The following DNHD1 variants were observed in gnomAD, a reference collection of about 807,000 sequenced individuals.
DNHD1 encodes dynein heavy chain domain 1.
In DNHD1, 383 loss-of-function variants were observed where a neutral mutation model predicts 458.1. That is an observed-to-expected ratio of 0.84 (90% confidence interval 0.77 to 0.91). The LOEUF is 0.91. Among genes scored for constraint, DNHD1 ranks in the 40% least tolerant of loss-of-function variants. DNHD1 has a pLI of 0.00. For missense variants in DNHD1, 5,336 were observed against 5,866.1 expected, an observed-to-expected ratio of 0.91 and a Z score of 2.95; for synonymous variants, 2,203 against 2,376.9, an observed-to-expected ratio of 0.93 and a Z score of 2.13.
At chr11:6,518,068 T>C (rs1262730901) in intron 7 of DNHD1, among the ~76,000 whole-genome samples, 3 of 152,230 alleles carry the variant, frequency 2.0e-5, no homozygotes, top group Non-Finnish European at 2.9e-5. Flanking sequence ...AAGTTTTTTA[T>C]TGTTATCATT....
chr11:6,557,554 A>G lies in DNHD1; in HGVS notation c.8259A>G (p.Ile2753Met), dbSNP rs1160387782. The G allele has an allele frequency of 1.9e-6, 3 of 1,551,796 alleles. No homozygotes were observed. Among genetic ancestry groups the G allele is most frequent in the African/African-American group, 1.4e-5 (1 of 73,170 alleles). ...GAGATCCAAGTCTAACACCATCCAT[A>G]GGACCAGTAAGCAGGGGGATGAAGG... Reference protein sequence around the residue: ...NSRDPSLTPSIGPVSRGMKES... With the variant: ...NSRDPSLTPSMGPVSRGMKES... The change falls in exon 25 of 43, where the codon ATA becomes ATG. Residue 2753 changes from isoleucine to methionine, a missense_variant. This residue lies in a region of DNHD1 where 3,932 missense variants were observed against 4,365.6 expected (regional missense o/e 0.90). Transcript: ENST00000254579.
intron 10 of DNHD1, among the ~76,000 whole-genome samples, chr11:6,527,828 C>G (rs566434666): frequency 7.9e-5 from 12 of 152,290 alleles, no homozygotes; most frequent in Non-Finnish European, 1.2e-4. Flanking sequence ...GAAGTTTTAA[C>G]ACAAATACTA....
chr11:6,539,447 A>G, intron 17 of DNHD1, 134 bp downstream of exon 17: 2 of 681,288 alleles, frequency 2.9e-6, no homozygotes, highest in Admixed American at 5.2e-5. Flanking sequence ...AAGGGCAGGA[A>G]CAGTTTCTTT....
Position 6,571,977 on chromosome 11 carries a change from CCT to C in DNHD1, c.14254_14255del (p.Leu4752ValfsTer11), listed in dbSNP as rs773881756. The part of the protein sequence containing the change: ...QRRVHVCSPP[L>X]S ...GGAGGGTCCATGTGTGCAGCCCACC[CCT>C]GTCTTGAGCCCGTCTACCAAAATAA... On this transcript the variant is annotated frameshift_variant, in exon 43 of 43. Coordinates refer to ENST00000254579, the MANE Select transcript of DNHD1 (RefSeq NM_144666.3). LOFTEE classifies it high-confidence loss of function. This position sits in a 1 kb window ranked among gnomAD's most constrained non-coding sequence, Gnocchi z 5.0. 1.1e-4 allele frequency: 169 copies of C among 1,602,964 alleles called. No individual in the cohort carries two copies. The highest frequency in any genetic ancestry group is 1.3e-4 in the Non-Finnish European group (155 of 1,172,058).
chr11:6,538,369 G>C lies in DNHD1; in HGVS notation c.2999-14G>C. On this transcript the variant is annotated splice_polypyrimidine_tract_variant and intron_variant, in intron 14 of 42. Coordinates refer to ENST00000254579, the MANE Select transcript of DNHD1 (RefSeq NM_144666.3). ...TGCAAGTAGCCCAGGTCTCAAGTCAGCCCTCCCCCACAGAGGATGAGACTC... is the reference window on the plus strand; with the variant it reads ...TGCAAGTAGCCCAGGTCTCAAGTCACCCCTCCCCCACAGAGGATGAGACTC... 6.4e-7 allele frequency: 1 copy of C among 1,551,538 alleles called. No individual in the cohort carries two copies. The highest frequency in any genetic ancestry group is 8.7e-7 in the Non-Finnish European group (1 of 1,146,942).
At chr11:6,547,753 T>C in intron 21 of DNHD1, 87 bp downstream of exon 21, 1 of 1,485,896 alleles carries the variant, frequency 6.7e-7, no homozygotes, top group Non-Finnish European at 9.1e-7. Flanking sequence ...GTGTGTTCTT[T>C]GGTGGATCTG....
rs1852086019 is a variant in DNHD1 at position 6,498,905 on chromosome 11, T to C, written c.690T>C (p.Tyr230=). The stretch of plus-strand genomic sequence containing the variant: ...TGGCAGCGGACATCCCTGTACGGTA[T>C]GAAAGCAGTGACACTGACAATGCAG... The part of the protein sequence containing the change: ...LALAADIPVR[Y]ESSDTDNAEV... The change falls in exon 3 of 43, where the codon TAT becomes TAC. Residue 230 remains tyrosine, a synonymous_variant. Transcript: ENST00000254579. The C allele has an allele frequency of 1.9e-6, 3 of 1,613,452 alleles. No homozygotes were observed. The highest frequency in any genetic ancestry group is 2.2e-5 in the East Asian group (1 of 44,902).
intron 18 of DNHD1, among the ~76,000 whole-genome samples, chr11:6,542,433 TA>T (rs1853114168): frequency 1.3e-5 from 2 of 152,270 alleles, no homozygotes. Flanking sequence ...GCCTGGGTCC[TA>T]CCAGTCTTTC....
intron 13 of DNHD1, among the ~76,000 whole-genome samples, chr11:6,533,404 T>C (rs1169949523): frequency 2.0e-5 from 3 of 152,196 alleles, no homozygotes; most frequent in Admixed American, 6.5e-5. Flanking sequence ...AGAGTTGTGC[T>C]CTCTGTGACA....
In DNHD1 at chr11:6,557,075, G is replaced by A. The variant is rs1414719830; in HGVS notation, c.7780G>A (p.Val2594Met). The change falls in exon 25 of 43, where the codon GTG becomes ATG. Residue 2594 changes from valine to methionine, a missense_variant. Val to Met is a conservative substitution (Grantham distance 21, BLOSUM62 1). Coordinates refer to ENST00000254579, the MANE Select transcript of DNHD1 (RefSeq NM_144666.3). ...HPHYHFSLHS[V>M]SHLLSSLQLL... ...ACACTACCACTTCTCCCTACACTCT[G>A]TGAGCCACCTACTGAGCAGCCTGCA... The A allele has an allele frequency of 1.3e-6, 2 of 1,551,696 alleles. No individual in the cohort carries two copies. The highest frequency in any genetic ancestry group is 4.9e-5 in the East Asian group (2 of 40,908).
At chr11:6,523,115 T>C (rs1026572090) in intron 10 of DNHD1, among the ~76,000 whole-genome samples, 5 of 152,200 alleles carry the variant, frequency 3.3e-5, no homozygotes, top group African/African-American at 1.2e-4. Context: ...CCTACCAAGA[T>C]TGGAATAACT....
In DNHD1 at chr11:6,512,430, G is replaced by A. The variant is rs369238852; in HGVS notation, c.1392+1001G>A. The stretch of plus-strand genomic sequence containing the variant: ...GTAGAGATGGGGTTTCACTGTGTTA[G>A]CCAGGATGGTCTTGATCTCCTGACC... On this transcript the variant is annotated intron_variant, in intron 7 of 42. Coordinates refer to ENST00000254579, the MANE Select transcript of DNHD1 (RefSeq NM_144666.3). Among the ~76,000 whole-genome samples the A allele has an allele frequency of 2.3e-4, 35 of 151,648 alleles. 1 individual carries two copies. The South Asian group carries it at 5.0e-3, about 22-fold the overall frequency.
chr11:6,520,911 A>G (rs1292828466), intron 10 of DNHD1: 2 of 961,052 alleles, frequency 2.1e-6, no homozygotes, highest in African/African-American at 1.8e-5. Context: ...TTCAACTTCT[A>G]TCTGTTCATT....
At chr11:6,519,890 C>T in intron 8 of DNHD1, 36 bp downstream of exon 8, 1 of 1,612,624 alleles carries the variant, frequency 6.2e-7, no homozygotes, top group South Asian at 1.1e-5. Context: ...AGGTGGCAGG[C>T]AGTCCAGGGC....
At chr11:6,556,550 A>T in intron 24 of DNHD1, 133 bp from the exon 25 acceptor site, 1 of 840,548 alleles carries the variant, frequency 1.2e-6, no homozygotes, top group Non-Finnish European at 1.8e-6. Flanking sequence ...AGCTTACTCA[A>T]ATGTGACCAA....
Position 6,539,302 on chromosome 11 carries a change from C to T in DNHD1, c.3409C>T (p.Arg1137Ter), listed in dbSNP as rs753991651. 2.1e-5 allele frequency: 33 copies of T among 1,551,178 alleles called. No homozygotes were observed. In the East Asian group the frequency reaches 5.1e-4, roughly 24 times the overall value. ...LTYPLLEFAD[R>*]INQVWQNENE... ...TTATCCACTGCTGGAGTTTGCAGAT[C>T]GAATCAACCAGGTGGGGCCCTCAGT... is the stretch of plus-strand genomic sequence containing the variant. The change falls in exon 17 of 43, where the codon CGA (arginine) becomes TGA (stop). Residue 1137 changes from arginine to a stop codon, truncating the protein, a stop_gained. Coordinates refer to ENST00000254579, the MANE Select transcript of DNHD1 (RefSeq NM_144666.3). LOFTEE classifies it high-confidence loss of function.
At chr11:6,568,955 T>A in intron 39 of DNHD1, 89 bp downstream of exon 39, 1 of 1,403,668 alleles carries the variant, frequency 7.1e-7, no homozygotes, top group Middle Eastern at 1.9e-4. Context: ...AACTAATTCA[T>A]CTTTGGAAGC....
chr11:6,557,221 T>C lies in DNHD1; in HGVS notation c.7926T>C (p.Asn2642=). Residue 2642 remains asparagine (N), a synonymous_variant, in exon 25 of 43, where the codon AAT becomes AAC. Coordinates refer to ENST00000254579, the MANE Select transcript of DNHD1 (RefSeq NM_144666.3). ...TCLTVMMATR[N]VVRLWLHEAQ... ...TGACCGTTATGATGGCCACACGCAA[T>C]GTGGTGCGTCTTTGGTTGCATGAGG... 3 of 1,551,616 alleles carry C rather than the reference T, an allele frequency of 1.9e-6. No individual in the cohort carries two copies. Among genetic ancestry groups the C allele is most frequent in the Non-Finnish European group, 2.6e-6 (3 of 1,146,998 alleles).
At chr11:6,527,312 G>A (rs1343378889) in intron 10 of DNHD1, among the ~76,000 whole-genome samples, 1 of 152,208 alleles carries the variant, frequency 6.6e-6, no homozygotes, top group Non-Finnish European at 1.5e-5. Context: ...AGAGATGATG[G>A]TGACTTGGGC....
Sources: allele counts gnomAD v4.1 joint callset (sites outside exome capture counted in the v4.1 genomes callset), GRCh38; gene constraint gnomAD v4.1.1; regional missense constraint gnomAD v4.1.1; non-coding constraint Gnocchi (gnomAD v3.1); transcripts MANE v1.5; gene names NCBI Gene and HGNC (gene_info 2026-07-23, HGNC 2026-07-21).